SLC39A9: variants seen among roughly 807,000 people sequenced by gnomAD.
The protein encoded by SLC39A9 is zinc transporter ZIP9.
A neutral mutation model predicts 28.4 loss-of-function variants in SLC39A9; 14 were observed. The observed-to-expected ratio is 0.49, with a 90% CI of 0.33 to 0.77. SLC39A9 has a LOEUF of 0.77. SLC39A9 is among the 30% of genes least tolerant of loss of function. SLC39A9 has a pLI of 0.02. For synonymous variants in SLC39A9, 119 were observed against 149.6 expected, an observed-to-expected ratio of 0.80 and a Z score of 1.49; for missense variants, 283 against 381.1, an observed-to-expected ratio of 0.74 and a Z score of 2.14.
chr14:69,437,435 AGTAG>A (rs1172611320), intron 2 of SLC39A9, among the ~76,000 whole-genome samples: 1 of 152,034 alleles, frequency 6.6e-6, no homozygotes, highest in Non-Finnish European at 1.5e-5. Flanking sequence ...GTAGTCCTGA[AGTAG>A]TTGTTTTTTG....
chr14:69,406,848 G>GTTTTTTT (rs398025544), intron 1 of SLC39A9, among the ~76,000 whole-genome samples: 29 of 95,902 alleles, frequency 3.0e-4, no homozygotes, highest in African/African-American at 3.8e-4. Flanking sequence ...GAAATTCTTT[G>GTTTTTTT]TTTTTTTTTT....
intron 1 of SLC39A9, among the ~76,000 whole-genome samples, chr14:69,401,981 A>T: frequency 6.6e-6 from 1 of 152,326 alleles, no homozygotes; most frequent in East Asian, 1.9e-4. Context: ...AATAAATTTC[A>T]TTCACGGGGG....
intron 2 of SLC39A9, among the ~76,000 whole-genome samples, chr14:69,434,577 G>A (rs539158788): frequency 2.0e-5 from 3 of 152,010 alleles, no homozygotes; most frequent in South Asian, 4.1e-4. Context: ...TTAGGTGGGC[G>A]CAGTGACACA....
In SLC39A9 at chr14:69,460,696, T is replaced by G; in HGVS notation, c.*2103T>G. On this transcript the variant is annotated 3_prime_UTR_variant, in exon 7 of 7. Coordinates refer to ENST00000336643, the MANE Select transcript of SLC39A9 (RefSeq NM_018375.5). Reference sequence around the variant, plus strand: ...TATCTTGCTGGATGGAGCCTTGAACTCCGGCAAGGATTGAACCATCTGACT... The same window carrying G: ...TATCTTGCTGGATGGAGCCTTGAACGCCGGCAAGGATTGAACCATCTGACT... 2 of 985,456 alleles carry G rather than the reference T, an allele frequency of 2.0e-6. No individual in the cohort carries two copies. The highest frequency in any genetic ancestry group is 2.4e-6 in the Non-Finnish European group (2 of 829,952). 61.0% of individuals were successfully genotyped at this position (985,456 alleles called of 1,614,324 possible).
chr14:69,457,284 C>A (rs993347862), intron 6 of SLC39A9, among the ~76,000 whole-genome samples: 1 of 152,024 alleles, frequency 6.6e-6, no homozygotes, highest in African/African-American at 2.4e-5. Context: ...CTCACTGCAA[C>A]CTCTGCCTCC....
At chr14:69,448,888 A>G (rs1166458126) in intron 3 of SLC39A9, among the ~76,000 whole-genome samples, 3 of 152,166 alleles carry the variant, frequency 2.0e-5, no homozygotes, top group Admixed American at 6.5e-5. Context: ...GTTAGAGAAA[A>G]AGAATGTGTG....
intron 2 of SLC39A9, among the ~76,000 whole-genome samples, chr14:69,427,057 G>A (rs1884237511): frequency 6.7e-6 from 1 of 148,196 alleles, no homozygotes; most frequent in South Asian, 2.1e-4. Flanking sequence ...CTCCCACGCT[G>A]GAGTGCAGTG....
intron 2 of SLC39A9, among the ~76,000 whole-genome samples, chr14:69,434,335 C>T (rs533470402): frequency 2.5e-4 from 38 of 151,574 alleles, no homozygotes; most frequent in South Asian, 1.5e-3. Context: ...CCACCTGCCT[C>T]GGCCTCCCAG....
At chr14:69,450,460 A>C (rs1405507504) in intron 3 of SLC39A9, among the ~76,000 whole-genome samples, 1 of 152,076 alleles carries the variant, frequency 6.6e-6, no homozygotes, top group African/African-American at 2.4e-5. Context: ...TTTAAAAAAA[A>C]CCTGATTCTA....
At chr14:69,418,743 G>C (rs1490019312) in intron 1 of SLC39A9, among the ~76,000 whole-genome samples, 2 of 152,146 alleles carry the variant, frequency 1.3e-5, no homozygotes, top group African/African-American at 4.8e-5. Context: ...TTGGGAGGGT[G>C]TATGTGTCCA....
intron 1 of SLC39A9, among the ~76,000 whole-genome samples, chr14:69,423,829 C>T (rs781542679): frequency 2.8e-4 from 41 of 148,924 alleles, no homozygotes; most frequent in Non-Finnish European, 1.8e-4. Flanking sequence ...ACTTGGGAGG[C>T]GAAGGCTGCA....
chr14:69,434,752 A>G (rs1037457556), intron 2 of SLC39A9, among the ~76,000 whole-genome samples: 2 of 152,192 alleles, frequency 1.3e-5, no homozygotes, highest in African/African-American at 4.8e-5. Context: ...TTAGTGTGCT[A>G]TATTTTTATC....
chr14:69,431,343 C>G (rs1884479848), intron 2 of SLC39A9, among the ~76,000 whole-genome samples: 1 of 150,888 alleles, frequency 6.6e-6, no homozygotes, highest in Non-Finnish European at 1.5e-5. Flanking sequence ...TTGGGATTTG[C>G]TACGTAAATA....
At chr14:69,413,594 A>T (rs566007870) in intron 1 of SLC39A9, among the ~76,000 whole-genome samples, 1 of 152,188 alleles carries the variant, frequency 6.6e-6, no homozygotes, top group South Asian at 2.1e-4. Context: ...TTTTGTCATG[A>T]ACCATTAGAA....
Position 69,458,705 on chromosome 14 carries a change from T to G in SLC39A9, c.*112T>G. Reference sequence around the variant, plus strand: ...TTGTCTCACCTTGCGCATCTCTACATGTATTCCTAGAGTCCAGAGGGGAGG... The same window carrying G: ...TTGTCTCACCTTGCGCATCTCTACAGGTATTCCTAGAGTCCAGAGGGGAGG... On this transcript the variant is annotated 3_prime_UTR_variant, in exon 7 of 7. Coordinates refer to ENST00000336643, the MANE Select transcript of SLC39A9 (RefSeq NM_018375.5). 6.9e-7 allele frequency: 1 copy of G among 1,439,926 alleles called. No individual in the cohort carries two copies. Among genetic ancestry groups the G allele is most frequent in the Non-Finnish European group, 9.1e-7 (1 of 1,097,802 alleles). 89.2% of individuals were successfully genotyped at this position (1,439,926 alleles called of 1,614,324 possible). A position where few individuals can be genotyped will look rare whatever the true frequency, so the allele number is the denominator to read the frequency against.
At position 69,453,252 on chromosome 14, in the gene SLC39A9, G is replaced by A. The variant is rs1334389387; in HGVS notation, c.415G>A (p.Ala139Thr). The stretch of plus-strand genomic sequence containing the variant: ...CATTTTCACTTTAGATCCAGAAGCA[G>A]CAAGGTCTAGCAATTCCAAAATCAC... ...HVHSTDDPEAARSSNSKITTT... is the reference protein window; with the variant it reads ...HVHSTDDPEATRSSNSKITTT... Residue 139 changes from alanine (A) to threonine (T), a missense_variant, in exon 4 of 7, where the codon GCA (alanine) becomes ACA (threonine). Physicochemically the swap from Ala to Thr is moderately conservative, Grantham distance 58. Coordinates refer to ENST00000336643, the MANE Select transcript of SLC39A9 (RefSeq NM_018375.5). 3.1e-6 allele frequency: 5 copies of A among 1,613,864 alleles called. No individual in the cohort carries two copies. Among genetic ancestry groups the A allele is most frequent in the Middle Eastern group, 1.7e-4 (1 of 6,056 alleles).
chr14:69,430,002 T>C (rs975591592), intron 2 of SLC39A9, among the ~76,000 whole-genome samples: 2 of 152,250 alleles, frequency 1.3e-5, no homozygotes, highest in South Asian at 2.1e-4. Flanking sequence ...GCCATTGTTA[T>C]AGCTTCTGTG....
intron 3 of SLC39A9, among the ~76,000 whole-genome samples, chr14:69,444,069 G>A (rs943345198): frequency 4.0e-5 from 6 of 150,906 alleles, no homozygotes; most frequent in African/African-American, 1.2e-4. Flanking sequence ...GCCTGTAGTC[G>A]CAGCTACTCA....
In SLC39A9 at chr14:69,458,913, C is replaced by G; in HGVS notation, c.*320C>G. 1 of 1,073,708 alleles carries G rather than the reference C, an allele frequency of 9.3e-7. No individual in the cohort carries two copies. 66.5% of individuals were successfully genotyped at this position (1,073,708 alleles called of 1,614,324 possible). On this transcript the variant is annotated 3_prime_UTR_variant, in exon 7 of 7. Coordinates refer to ENST00000336643, the MANE Select transcript of SLC39A9 (RefSeq NM_018375.5). Reference sequence around the variant, plus strand: ...AGTTTTAAGGAAAAGAGGAGAACTTCATACTCACAATGAAATAGTGATTAT... The same window carrying G: ...AGTTTTAAGGAAAAGAGGAGAACTTGATACTCACAATGAAATAGTGATTAT...
Sources: allele counts gnomAD v4.1 joint callset (sites outside exome capture counted in the v4.1 genomes callset), GRCh38; gene constraint gnomAD v4.1.1; transcripts MANE v1.5; gene names NCBI Gene and HGNC (gene_info 2026-07-23, HGNC 2026-07-21).